GABRB1: variants seen among roughly 807,000 people sequenced by gnomAD.
GABRB1 encodes gamma-aminobutyric acid receptor subunit beta-1.
In GABRB1, 17 loss-of-function variants were observed where a neutral mutation model predicts 51.6. The ratio of observed to expected loss-of-function variants is 0.33; its 90% CI spans 0.23 to 0.49. The LOEUF is 0.49. GABRB1 is among the 20% of genes least tolerant of loss of function. The pLI, the probability that GABRB1 is intolerant of heterozygous loss-of-function variation, is 0.99. For missense variants in GABRB1, 410 were observed against 600.6 expected, an observed-to-expected ratio of 0.68 and a Z score of 3.32; for synonymous variants, 247 against 218.9, an observed-to-expected ratio of 1.13 and a Z score of -1.14.
chr4:47,123,394 TTACATATA>T (rs1343717884), intron 3 of GABRB1, among the ~76,000 whole-genome samples: 16 of 117,072 alleles, frequency 1.4e-4, no homozygotes, highest in African/African-American at 5.1e-4. Context: ...TATATATATA[TTACATATA>T]TACATATATA....
chr4:47,340,486 G>C (rs1053787042), intron 5 of GABRB1, among the ~76,000 whole-genome samples: 18 of 152,226 alleles, frequency 1.2e-4, no homozygotes, highest in African/African-American at 4.3e-4. Flanking sequence ...CAGTTCTACA[G>C]TCCAAGATCA....
intron 4 of GABRB1, among the ~76,000 whole-genome samples, chr4:47,249,438 A>G (rs946570699): frequency 1.3e-5 from 2 of 152,274 alleles, no homozygotes; most frequent in South Asian, 4.1e-4. Context: ...CATGTGGTCT[A>G]TCTTGGAAAA....
chr4:47,310,346 A>T (rs1724626222), intron 4 of GABRB1, among the ~76,000 whole-genome samples: 1 of 152,210 alleles, frequency 6.6e-6, no homozygotes, highest in African/African-American at 2.4e-5. Context: ...ATGTAGCTGG[A>T]TGTTTTTAAT....
intron 4 of GABRB1, among the ~76,000 whole-genome samples, chr4:47,260,699 G>A (rs1392294800): frequency 6.6e-6 from 1 of 152,090 alleles, no homozygotes; most frequent in East Asian, 1.9e-4. Context: ...GAGATCCGCT[G>A]TTAGTCTGAT....
At chr4:47,074,952 G>A (rs755987007) in intron 3 of GABRB1, among the ~76,000 whole-genome samples, 5 of 152,128 alleles carry the variant, frequency 3.3e-5, no homozygotes, top group Non-Finnish European at 7.4e-5. Context: ...TGAAATGGAG[G>A]AATTTCCTTC....
intron 5 of GABRB1, among the ~76,000 whole-genome samples, chr4:47,373,112 G>A (rs1331884598): frequency 6.6e-6 from 1 of 152,202 alleles, no homozygotes; most frequent in Admixed American, 6.5e-5. Flanking sequence ...CTTCCTTGCA[G>A]CTGTTCCCAG....
intron 3 of GABRB1, among the ~76,000 whole-genome samples, chr4:47,155,523 G>T (rs1277011179): frequency 6.6e-6 from 1 of 151,894 alleles, no homozygotes; most frequent in African/African-American, 2.4e-5. Context: ...ATTACTAGAT[G>T]TTAAAGAAAT....
intron 3 of GABRB1, among the ~76,000 whole-genome samples, chr4:47,079,683 T>C (rs1727738748): frequency 6.6e-6 from 1 of 151,452 alleles, no homozygotes; most frequent in Non-Finnish European, 1.5e-5. Context: ...AAATGATGAG[T>C]TCATGTCCTT....
At chr4:47,339,596 C>A (rs1242692629) in intron 5 of GABRB1, among the ~76,000 whole-genome samples, 1 of 148,604 alleles carries the variant, frequency 6.7e-6, no homozygotes, top group Non-Finnish European at 1.5e-5. Flanking sequence ...ATTTTTTAGT[C>A]CCACAACAAC....
chr4:47,000,086 A>G (rs1338448801), intron 1 of GABRB1, among the ~76,000 whole-genome samples: 1 of 152,196 alleles, frequency 6.6e-6, no homozygotes, highest in African/African-American at 2.4e-5. Flanking sequence ...TTTTATCAAA[A>G]ACTCAGTGAC....
At chr4:47,270,298 T>C (rs1475496609) in intron 4 of GABRB1, among the ~76,000 whole-genome samples, 2 of 152,200 alleles carry the variant, frequency 1.3e-5, no homozygotes, top group African/African-American at 4.8e-5. Flanking sequence ...GAATAATTCC[T>C]GCCTATTAGT....
At chr4:47,211,148 A>G (rs4695200) in intron 4 of GABRB1, among the ~76,000 whole-genome samples, 55,765 of 151,902 alleles carry the variant, frequency 0.37, 10,715 homozygotes, top group African/African-American at 0.44. Context: ...TATATTTTTT[A>G]TGAGATTCTT....
At chr4:47,218,950 T>C (rs1272510629) in intron 4 of GABRB1, among the ~76,000 whole-genome samples, 2 of 151,746 alleles carry the variant, frequency 1.3e-5, no homozygotes, top group Admixed American at 6.6e-5. Context: ...CCTCTAGTAG[T>C]GTGCATTCTC....
chr4:47,039,371 A>C (rs1454810186), intron 3 of GABRB1, among the ~76,000 whole-genome samples: 1 of 151,276 alleles, frequency 6.6e-6, no homozygotes, highest in East Asian at 1.9e-4. Flanking sequence ...AAAAAAAAAA[A>C]AAAACCAGGC....
chr4:47,378,585 G>A (rs576608185), intron 5 of GABRB1, among the ~76,000 whole-genome samples: 13 of 152,310 alleles, frequency 8.5e-5, no homozygotes, highest in African/African-American at 1.2e-4. Context: ...GCCAGCGAGG[G>A]CTGTGAGGAC....
chr4:47,172,231 T>C (rs562051202), intron 4 of GABRB1, among the ~76,000 whole-genome samples: 2 of 152,316 alleles, frequency 1.3e-5, no homozygotes, highest in East Asian at 3.9e-4. Context: ...TAAAATACAA[T>C]AAACATATTT....
At chr4:47,233,749 G>A (rs1721227842) in intron 4 of GABRB1, among the ~76,000 whole-genome samples, 1 of 151,936 alleles carries the variant, frequency 6.6e-6, no homozygotes, top group Non-Finnish European at 1.5e-5. Flanking sequence ...AATTTGAAAT[G>A]TAGTACATTT....
chr4:47,091,444 T>C (rs748609067), intron 3 of GABRB1, among the ~76,000 whole-genome samples: 4 of 152,072 alleles, frequency 2.6e-5, no homozygotes, highest in Non-Finnish European at 5.9e-5. Flanking sequence ...CAGAAATAAT[T>C]CCTCAGAAAA....
chr4:47,079,957 C>A (rs1727754197), intron 3 of GABRB1, among the ~76,000 whole-genome samples: 1 of 151,752 alleles, frequency 6.6e-6, no homozygotes, highest in Non-Finnish European at 1.5e-5. Flanking sequence ...ATGTAATTAA[C>A]CTGCACGTTG....
Sources: allele counts gnomAD v4.1 joint callset (sites outside exome capture counted in the v4.1 genomes callset), GRCh38; gene constraint gnomAD v4.1.1; transcripts MANE v1.5; gene names NCBI Gene and HGNC (gene_info 2026-07-23, HGNC 2026-07-21).